KCTD1: variants seen among roughly 807,000 people sequenced by gnomAD.
KCTD1 encodes the protein BTB/POZ domain-containing protein KCTD1.
KCTD1 carries 24 observed loss-of-function variants against 66.0 expected under a neutral mutation model. The observed-to-expected ratio is 0.36, with a 90% CI of 0.26 to 0.51. The LOEUF is 0.51. Among genes scored for constraint, KCTD1 ranks in the 20% least tolerant of loss-of-function variants. KCTD1 has a pLI of 0.95. For synonymous variants in KCTD1, 511 were observed against 517.2 expected, an observed-to-expected ratio of 0.99 and a Z score of 0.16; for missense variants, 943 against 1,205.2, an observed-to-expected ratio of 0.78 and a Z score of 3.22.
chr18:26,614,133 A>T (rs548107280), intron 1 of KCTD1, among the ~76,000 whole-genome samples: 1 of 152,336 alleles, frequency 6.6e-6, no homozygotes, highest in East Asian at 1.9e-4. Context: ...TTTATCATCT[A>T]TCCTCTTCTC....
At chr18:26,551,076 G>T (rs1985548764), upstream of KCTD1, among the ~76,000 whole-genome samples, 1 of 152,158 alleles carries the variant, frequency 6.6e-6, no homozygotes, top group African/African-American at 2.4e-5. Context: ...TGCGGGCGGC[G>T]GGGTCCACCC....
At chr18:26,526,385 G>A (rs1474813335) in intron 1 of KCTD1, among the ~76,000 whole-genome samples, 4 of 152,254 alleles carry the variant, frequency 2.6e-5, no homozygotes, top group South Asian at 2.1e-4. Flanking sequence ...ACCCGGATTC[G>A]CACATAGAGG....
At chr18:26,561,282 G>A (rs1475326640) in intron 1 of KCTD1, among the ~76,000 whole-genome samples, 5 of 152,188 alleles carry the variant, frequency 3.3e-5, no homozygotes, top group Non-Finnish European at 5.9e-5. Flanking sequence ...GGAGAAGAGA[G>A]TAGCATTGAG....
intron 1 of KCTD1, among the ~76,000 whole-genome samples, chr18:26,589,307 A>C (rs1379033400): frequency 6.6e-6 from 1 of 152,200 alleles, no homozygotes; most frequent in Non-Finnish European, 1.5e-5. Flanking sequence ...ATGAATAACA[A>C]CATTAACTGA....
At chr18:26,507,101 G>A (rs975209427) in intron 1 of KCTD1, among the ~76,000 whole-genome samples, 4 of 152,216 alleles carry the variant, frequency 2.6e-5, no homozygotes, top group East Asian at 1.9e-4. Context: ...GGGAGGTGGC[G>A]GTTTCAGTGA....
intron 2 of KCTD1, among the ~76,000 whole-genome samples, chr18:26,490,604 G>A (rs930118404): frequency 6.6e-6 from 1 of 152,130 alleles, no homozygotes; most frequent in African/African-American, 2.4e-5. Context: ...AGCTGCCCTG[G>A]GGTGGCTGAG....
chr18:26,621,461 C>G (rs958198879), intron 1 of KCTD1, among the ~76,000 whole-genome samples: 1 of 152,028 alleles, frequency 6.6e-6, no homozygotes, highest in Non-Finnish European at 1.5e-5. Flanking sequence ...TCGTCTTAGC[C>G]GTCCAAGAGC....
chr18:26,466,017 CG>C (rs1458621606), intron 3 of KCTD1, among the ~76,000 whole-genome samples: 99 of 147,844 alleles, frequency 6.7e-4, no homozygotes, highest in African/African-American at 2.4e-3. Context: ...GAAACTCTGG[CG>C]AGTGGGGGCC....
At chr18:26,602,512 T>C (rs1304055437) in intron 1 of KCTD1, among the ~76,000 whole-genome samples, 2 of 152,262 alleles carry the variant, frequency 1.3e-5, no homozygotes, top group African/African-American at 2.4e-5. Context: ...TAATTATTTA[T>C]GCTTAGGCAT....
At chr18:26,632,156 G>A (rs987785965), upstream of KCTD1, among the ~76,000 whole-genome samples, 2 of 151,994 alleles carry the variant, frequency 1.3e-5, no homozygotes, top group East Asian at 1.9e-4. Flanking sequence ...AGGCCGAGGC[G>A]GGCAGATCAC....
At chr18:26,643,939 G>A (rs896018685), upstream of KCTD1, among the ~76,000 whole-genome samples, 1 of 151,862 alleles carries the variant, frequency 6.6e-6, no homozygotes, top group Non-Finnish European at 1.5e-5. Context: ...TCCAGCCTGG[G>A]TGACAGAGTG....
chr18:26,646,703 A>AT (rs1428633718), intron 1 of KCTD1, among the ~76,000 whole-genome samples: 2 of 152,182 alleles, frequency 1.3e-5, no homozygotes, highest in Non-Finnish European at 2.9e-5. Context: ...TTGACTCAGA[A>AT]TTTTTTTAAG....
intron 1 of KCTD1, among the ~76,000 whole-genome samples, chr18:26,610,633 G>C (rs1987116189): frequency 6.7e-6 from 1 of 149,652 alleles, no homozygotes; most frequent in Non-Finnish European, 1.5e-5. Flanking sequence ...AAGGAAGGAA[G>C]GAGGGAGGGA....
At chr18:26,618,529 C>T (rs984149959) in intron 1 of KCTD1, among the ~76,000 whole-genome samples, 5 of 152,194 alleles carry the variant, frequency 3.3e-5, no homozygotes, top group Middle Eastern at 3.2e-3. Context: ...TCATCTTTCT[C>T]AGACACCCAG....
intron 1 of KCTD1, among the ~76,000 whole-genome samples, chr18:26,546,083 A>G (rs943567545): frequency 6.6e-6 from 1 of 152,180 alleles, no homozygotes; most frequent in Admixed American, 6.5e-5. Flanking sequence ...TCCAATTTGT[A>G]GCCTGACTGG....
At chr18:26,610,757 C>T (rs1217507115) in intron 1 of KCTD1, among the ~76,000 whole-genome samples, 1 of 152,278 alleles carries the variant, frequency 6.6e-6, no homozygotes, top group East Asian at 1.9e-4. Flanking sequence ...TACTCAATGG[C>T]CTTTGTCAAC....
At chr18:26,629,309 G>T, upstream of KCTD1, 1 of 474,478 alleles carries the variant, frequency 2.1e-6, no homozygotes, top group Non-Finnish European at 2.8e-6. Context: ...CTAACCAACT[G>T]AGCTAACCAA....
chr18:26,578,061 T>TCTTTTCTTTTCTTTTCTTTCTTTC (rs1475551115), intron 1 of KCTD1, among the ~76,000 whole-genome samples: 28 of 145,080 alleles, frequency 1.9e-4, no homozygotes, highest in African/African-American at 7.2e-4. Flanking sequence ...TTCTTTCTTT[T>TCTTTTCTTTTCTTTTCTTTCTTTC]TTTTTTTTTT....
chr18:26,463,629 T>A (rs1980562217), intron 3 of KCTD1, among the ~76,000 whole-genome samples: 1 of 152,190 alleles, frequency 6.6e-6, no homozygotes, highest in South Asian at 2.1e-4. Context: ...CTCTGCCTCC[T>A]GGGTTCAAGC....
Sources: allele counts gnomAD v4.1 joint callset (sites outside exome capture counted in the v4.1 genomes callset), GRCh38; gene constraint gnomAD v4.1.1; transcripts MANE v1.5; gene names NCBI Gene and HGNC (gene_info 2026-07-23, HGNC 2026-07-21).